PITPNB: variants seen among roughly 807,000 people sequenced by gnomAD.
PITPNB encodes the protein phosphatidylinositol transfer protein beta isoform.
In PITPNB, 16 loss-of-function variants were observed where a neutral mutation model predicts 45.9. That is an observed-to-expected ratio of 0.35 (90% CI 0.24 to 0.53). PITPNB has a LOEUF of 0.53. Ranked by LOEUF, PITPNB falls within the 20% of genes least tolerant of loss-of-function variation. PITPNB has a pLI of 0.93. For missense variants in PITPNB, 188 were observed against 330.5 expected (o/e 0.57, Z 3.34); for synonymous variants, 112 against 108.9 (o/e 1.03, Z -0.18).
chr22:27,859,113 T>C (rs1272294801), intron 9 of PITPNB, among the ~76,000 whole-genome samples: 3 of 152,210 alleles, frequency 2.0e-5, no homozygotes, highest in African/African-American at 7.2e-5. Context: ...GAGAGAAAAG[T>C]GCATGGAACA....
At chr22:27,874,842 G>A (rs1934774367) in intron 7 of PITPNB, among the ~76,000 whole-genome samples, 1 of 152,186 alleles carries the variant, frequency 6.6e-6, no homozygotes, top group Non-Finnish European at 1.5e-5. Flanking sequence ...CAGAATTCGT[G>A]AAGAGACCCC....
intron 3 of PITPNB, among the ~76,000 whole-genome samples, chr22:27,901,107 A>G (rs1446453827): frequency 6.6e-6 from 1 of 152,206 alleles, no homozygotes; most frequent in Non-Finnish European, 1.5e-5. Flanking sequence ...ACTTACCTCA[A>G]GGTAAACATG....
chr22:27,887,912 G>A (rs969853648), intron 7 of PITPNB, among the ~76,000 whole-genome samples: 1 of 152,106 alleles, frequency 6.6e-6, no homozygotes, highest in African/African-American at 2.4e-5. Flanking sequence ...TAAATATGTA[G>A]TGATCTCTTA....
At chr22:27,906,200 C>T (rs1005361950) in intron 3 of PITPNB, among the ~76,000 whole-genome samples, 1 of 151,986 alleles carries the variant, frequency 6.6e-6, no homozygotes, top group Non-Finnish European at 1.5e-5. Flanking sequence ...GCATAAGGGG[C>T]TGAAAAAAAC....
chr22:27,862,707 G>C (rs2146352191), intron 8 of PITPNB, among the ~76,000 whole-genome samples: 1 of 152,250 alleles, frequency 6.6e-6, no homozygotes, highest in Admixed American at 6.5e-5. Flanking sequence ...TAATTCAGCA[G>C]GTATGAAGTG....
At chr22:27,910,868 A>T in intron 3 of PITPNB, 96 bp downstream of exon 3, 10 of 808,772 alleles carry the variant, frequency 1.2e-5, no homozygotes, top group Non-Finnish European at 2.1e-5. Flanking sequence ...AACTGAAATT[A>T]AAAATGTACT....
chr22:27,867,883 A>C (rs1466138486), intron 8 of PITPNB, among the ~76,000 whole-genome samples: 1 of 152,186 alleles, frequency 6.6e-6, no homozygotes, highest in African/African-American at 2.4e-5. Context: ...AGCTTCTTAA[A>C]GACATGGAAC....
chr22:27,878,399 T>C (rs1934879535), intron 7 of PITPNB, among the ~76,000 whole-genome samples: 1 of 152,216 alleles, frequency 6.6e-6, no homozygotes, highest in South Asian at 2.1e-4. Context: ...ACATTAAATT[T>C]TGCAAAAGCA....
At chr22:27,873,398 G>A (rs1439968686) in intron 8 of PITPNB, among the ~76,000 whole-genome samples, 1 of 152,184 alleles carries the variant, frequency 6.6e-6, no homozygotes, top group Non-Finnish European at 1.5e-5. Flanking sequence ...TTTTTAATAA[G>A]ACTAAATTTA....
At chr22:27,881,774 C>T (rs1934980232) in intron 7 of PITPNB, among the ~76,000 whole-genome samples, 2 of 152,162 alleles carry the variant, frequency 1.3e-5, no homozygotes, top group South Asian at 4.1e-4. Context: ...GGACTGCTGA[C>T]CATTTAGGGT....
At chr22:27,914,809 G>C (rs1222908728) in intron 1 of PITPNB, among the ~76,000 whole-genome samples, 1 of 152,140 alleles carries the variant, frequency 6.6e-6, no homozygotes, top group Non-Finnish European at 1.5e-5. Context: ...TCCAGAAACT[G>C]TTCCCCCACT....
At chr22:27,919,002 G>A (rs1275424436) in intron 1 of PITPNB, 170 bp downstream of exon 1, 8 of 931,780 alleles carry the variant, frequency 8.6e-6, no homozygotes, top group African/African-American at 3.2e-5. Flanking sequence ...GAGGGCCGAG[G>A]GGCGCACTCG....
intron 3 of PITPNB, among the ~76,000 whole-genome samples, chr22:27,901,085 G>A (rs762500279): frequency 2.6e-5 from 4 of 152,080 alleles, no homozygotes; most frequent in Non-Finnish European, 4.4e-5. Flanking sequence ...ACCAATACTC[G>A]GAACAGCGTT....
intron 8 of PITPNB, among the ~76,000 whole-genome samples, chr22:27,863,373 G>A (rs931049206): frequency 6.6e-6 from 1 of 152,138 alleles, no homozygotes; most frequent in Admixed American, 6.5e-5. Context: ...GCTGTAGGTG[G>A]TAAACATTAC....
At chr22:27,899,033 C>G (rs953922999) in intron 3 of PITPNB, among the ~76,000 whole-genome samples, 1 of 152,190 alleles carries the variant, frequency 6.6e-6, no homozygotes, top group Non-Finnish European at 1.5e-5. Context: ...ATCCCAACAT[C>G]ACCATTTGGA....
chr22:27,872,306 C>T (rs1227804491), intron 8 of PITPNB, among the ~76,000 whole-genome samples: 1 of 151,830 alleles, frequency 6.6e-6, no homozygotes, highest in Non-Finnish European at 1.5e-5. Flanking sequence ...GTTGCCCAGG[C>T]TGGTATTGAA....
intron 8 of PITPNB, among the ~76,000 whole-genome samples, chr22:27,871,905 C>T (rs772270655): frequency 2.0e-5 from 3 of 151,950 alleles, no homozygotes; most frequent in Non-Finnish European, 2.9e-5. Context: ...TGAGTTCACA[C>T]GAGATCTGGC....
intron 7 of PITPNB, among the ~76,000 whole-genome samples, chr22:27,882,320 T>C (rs2146379374): frequency 6.6e-6 from 1 of 152,304 alleles, no homozygotes; most frequent in African/African-American, 2.4e-5. Context: ...AAAAATGGAA[T>C]GGTATGTTCG....
At chr22:27,918,888 A>G (rs971697899) in intron 1 of PITPNB, among the ~76,000 whole-genome samples, 11 of 151,976 alleles carry the variant, frequency 7.2e-5, no homozygotes, top group Non-Finnish European at 1.3e-4. Flanking sequence ...GGCGGGTCCC[A>G]GCGGAAACTC....
Sources: allele counts gnomAD v4.1 joint callset (sites outside exome capture counted in the v4.1 genomes callset), GRCh38; gene constraint gnomAD v4.1.1; transcripts MANE v1.5; gene names NCBI Gene and HGNC (gene_info 2026-07-23, HGNC 2026-07-21).